The following AUTS2 variants were observed in gnomAD, a reference collection of about 807,000 sequenced individuals.
The protein encoded by AUTS2 is autism susceptibility gene 2 protein.
Under a neutral mutation model 112.4 loss-of-function variants are expected in AUTS2, and 17 were observed. The ratio of observed to expected loss-of-function variants is 0.15; its 90% confidence interval spans 0.10 to 0.23. The LOEUF is 0.23. AUTS2 is among the 10% of genes least tolerant of loss of function. The pLI is 1.00. For synonymous variants in AUTS2, 751 were observed against 702.7 expected, an observed-to-expected ratio of 1.07 and a Z score of -1.09; for missense variants, 1,510 against 1,701.6, an observed-to-expected ratio of 0.89 and a Z score of 1.98.
At chr7:69,996,276 C>G (rs925299732) in intron 2 of AUTS2, among the ~76,000 whole-genome samples, 1 of 152,188 alleles carries the variant, frequency 6.6e-6, no homozygotes, top group Non-Finnish European at 1.5e-5. Context: ...CATGGAGCCT[C>G]AGCTGTCTGC....
chr7:69,638,576 A>G (rs1310106143), intron 1 of AUTS2, among the ~76,000 whole-genome samples: 5 of 152,230 alleles, frequency 3.3e-5, no homozygotes, highest in Admixed American at 2.0e-4. Flanking sequence ...CTGTTTGGAA[A>G]TAGCCTCAGT....
intron 1 of AUTS2, among the ~76,000 whole-genome samples, chr7:69,760,017 A>G (rs1347416351): frequency 2.0e-5 from 3 of 151,814 alleles, no homozygotes; most frequent in Non-Finnish European, 4.4e-5. Context: ...GTAAACTGAA[A>G]ATGAAAAACC....
In AUTS2 at chr7:69,948,384, G is replaced by T. The variant is rs1796898035; in HGVS notation, c.522+48886G>T. Among the ~76,000 whole-genome samples the T allele has an allele frequency of 7.9e-5, 12 of 152,334 alleles. No homozygotes were observed. The South Asian group carries it at 2.5e-3, about 32-fold the overall frequency. On this transcript the variant is annotated intron_variant, in intron 2 of 18. Transcript: ENST00000342771. ...AGAGGTCTTATGCCTGTGGCCTACA[G>T]ATCAAAGATATTTTCTCAAATACTG...
At chr7:70,134,484 G>C (rs891213339) in intron 3 of AUTS2, 52 bp from the exon 4 acceptor site, 19 of 1,537,818 alleles carry the variant, frequency 1.2e-5, no homozygotes, top group East Asian at 2.2e-5. Flanking sequence ...GGATTGGAAC[G>C]TGTTAAAAAC....
chr7:70,032,541 A>G (rs542664699), intron 2 of AUTS2, among the ~76,000 whole-genome samples: 75 of 151,792 alleles, frequency 4.9e-4, no homozygotes, highest in African/African-American at 1.7e-3. Flanking sequence ...TAAAAAAAAT[A>G]AAACAAAAAA....
rs1056480474 is a variant in AUTS2, at chr7:70,595,674, C to T, written c.691-102895C>T. ...CTCCTTCATCCTTTCTGCTTCAGTT[C>T]CCTCCTCTGTAACATGAAGTTGGAG... On this transcript the variant is annotated intron_variant, in intron 5 of 18. Coordinates refer to ENST00000342771, the MANE Select transcript of AUTS2 (RefSeq NM_015570.4). Among the ~76,000 whole-genome samples, 3 of 152,224 alleles carry T rather than the reference C, an allele frequency of 2.0e-5. No individual in the cohort carries two copies. In the South Asian group the frequency reaches 6.2e-4, roughly 32 times the overall value.
intron 3 of AUTS2, chr7:70,119,454 T>C: frequency 6.6e-6 from 1 of 151,744 alleles, no homozygotes; most frequent in Non-Finnish European, 1.5e-5. Flanking sequence ...AACCTTCGCC[T>C]CCCGAGTTCA....
chr7:70,715,405 G>A (rs1394573874), intron 6 of AUTS2, among the ~76,000 whole-genome samples: 1 of 152,136 alleles, frequency 6.6e-6, no homozygotes, highest in Non-Finnish European at 1.5e-5. Context: ...AGTCATACCT[G>A]CCCTTCATAG....
chr7:70,204,541 A>G (rs1407003157), intron 4 of AUTS2, among the ~76,000 whole-genome samples: 1 of 152,176 alleles, frequency 6.6e-6, no homozygotes, highest in Non-Finnish European at 1.5e-5. Context: ...AGGGTGCTCT[A>G]TAGCTCAATA....
intron 1 of AUTS2, among the ~76,000 whole-genome samples, chr7:69,828,769 C>G (rs1262743653): frequency 6.6e-6 from 1 of 152,044 alleles, no homozygotes; most frequent in African/African-American, 2.4e-5. Flanking sequence ...AGCATTTTCT[C>G]CAAAGCAAGG....
At chr7:70,455,482 A>T (rs1177252687) in intron 5 of AUTS2, among the ~76,000 whole-genome samples, 1 of 152,154 alleles carries the variant, frequency 6.6e-6, no homozygotes, top group African/African-American at 2.4e-5. Context: ...GAAGACATGG[A>T]ATACCTGGTA....
At position 70,789,880 on chromosome 7, in the gene AUTS2, C is replaced by G. The variant is rs146682239; in HGVS notation, c.2664C>G (p.Asp888Glu). 1.4e-5 allele frequency: 22 copies of G among 1,614,116 alleles called. No homozygotes were observed. In the South Asian group the frequency reaches 2.0e-4, roughly 14 times the overall value. ...TGAACACTGAGGCTCGGGAGAAGGACAAACCCAAAGAGAGGGAGAGAGACC... is the reference window on the plus strand; with the variant it reads ...TGAACACTGAGGCTCGGGAGAAGGAGAAACCCAAAGAGAGGGAGAGAGACC... ...AHLNTEAREK[D>E]KPKERERDHS... The change falls in exon 19 of 19, where the codon GAC becomes GAG. Residue 888 changes from aspartate to glutamate, a missense_variant. Physicochemically the swap from Asp to Glu is conservative, Grantham distance 45. Transcript: ENST00000342771.
chr7:69,609,719 A>G (rs972759650), intron 1 of AUTS2, among the ~76,000 whole-genome samples: 1 of 152,214 alleles, frequency 6.6e-6, no homozygotes, highest in Non-Finnish European at 1.5e-5. Context: ...GCTCAACGAA[A>G]ATTTTCTTCG....
chr7:70,772,867 C>A (rs1174757231), intron 11 of AUTS2, among the ~76,000 whole-genome samples: 5 of 152,254 alleles, frequency 3.3e-5, no homozygotes, highest in African/African-American at 1.2e-4. Context: ...CCCTCAGACC[C>A]TGGTCTGTCC....
intron 10 of AUTS2, 23 bp downstream of exon 10, chr7:70,768,091 A>G (rs1387920636): frequency 6.3e-7 from 1 of 1,588,636 alleles, no homozygotes; most frequent in South Asian, 1.2e-5. Flanking sequence ...ACCATGCTAC[A>G]CATTGAATGT....
intron 5 of AUTS2, among the ~76,000 whole-genome samples, chr7:70,507,210 A>G (rs1292603671): frequency 6.6e-6 from 1 of 152,210 alleles, no homozygotes; most frequent in Non-Finnish European, 1.5e-5. Flanking sequence ...AGAGAAACAC[A>G]GAATCAAGCC....
intron 5 of AUTS2, among the ~76,000 whole-genome samples, chr7:70,652,221 T>G (rs1180524348): frequency 6.6e-6 from 1 of 152,190 alleles, no homozygotes; most frequent in Admixed American, 6.5e-5. Flanking sequence ...AGATGAATAC[T>G]GAGAAGTCTT....
At chr7:70,016,396 A>C (rs561434575) in intron 2 of AUTS2, among the ~76,000 whole-genome samples, 1 of 151,846 alleles carries the variant, frequency 6.6e-6, no homozygotes, top group Non-Finnish European at 1.5e-5. Context: ...TCCTGACTTC[A>C]CCACCAGGAT....
chr7:69,640,990 A>G (rs574909775), intron 1 of AUTS2, among the ~76,000 whole-genome samples: 1 of 152,294 alleles, frequency 6.6e-6, no homozygotes, highest in Admixed American at 6.5e-5. Context: ...GAGAGATTGA[A>G]GGAAGTTGCA....
Sources: gnomAD v4.1 joint callset for allele counts (sites outside exome capture counted in the v4.1 genomes callset) on GRCh38, gnomAD v4.1.1 for gene constraint, MANE v1.5 for transcripts, NCBI Gene and HGNC (gene_info 2026-07-23, HGNC 2026-07-21) for gene names.